ABHD2: variants seen among roughly 807,000 people sequenced by gnomAD.
ABHD2 encodes monoacylglycerol lipase ABHD2.
A neutral mutation model predicts 48.1 loss-of-function variants in ABHD2; 20 were observed. The ratio of observed to expected loss-of-function variants is 0.42; its 90% confidence interval spans 0.29 to 0.60. The LOEUF (loss-of-function observed/expected upper bound fraction) is 0.60, where lower values mean the gene tolerates loss of function less well. ABHD2 is among the 20% of genes least tolerant of loss of function. The probability of loss-of-function intolerance (pLI) is 0.24; values close to 1 mark genes in which losing one functional copy is unlikely to be tolerated. For missense variants in ABHD2, 405 were observed against 550.9 expected, an observed-to-expected ratio of 0.74 and a Z score of 2.65; for synonymous variants, 209 against 214.2, an observed-to-expected ratio of 0.98 and a Z score of 0.21.
At chr15:89,059,025 C>A in the ABHD2 span, among the ~76,000 whole-genome samples, 6 of 152,126 alleles carry the variant, frequency 3.9e-5, no homozygotes, top group African/African-American at 1.4e-4. Flanking sequence ...ATGAAAAATT[C>A]ATGAAGGAAG....
chr15:89,183,384 A>AAAAAAAAAATATATAT (rs61602174), intron 6 of ABHD2: 6 of 46,270 alleles, frequency 1.3e-4, no homozygotes, highest in Non-Finnish European at 2.5e-4. Flanking sequence ...AAAAAAAAAA[A>AAAAAAAAAATATATAT]ATATATATAT....
At chr15:89,194,685 C>T (rs1053423043) in intron 10 of ABHD2, among the ~76,000 whole-genome samples, 1 of 152,176 alleles carries the variant, frequency 6.6e-6, no homozygotes, top group Non-Finnish European at 1.5e-5. Context: ...CCATGGGCAT[C>T]ACCTGGGAAC....
At position 89,164,631 on chromosome 15, in the gene ABHD2, T is replaced by C. The variant is rs1465156251; in HGVS notation, c.538+9097T>C. Reference sequence around the variant, plus strand: ...GGTGAAACCTCATCTCTACTAAAAATGAAAAAAGCCAGGTGTGATGATACA... The same window carrying C: ...GGTGAAACCTCATCTCTACTAAAAACGAAAAAAGCCAGGTGTGATGATACA... On this transcript the variant is annotated intron_variant, in intron 5 of 10. Transcript: ENST00000352732. This position sits in a 1 kb window ranked among gnomAD's most constrained non-coding sequence, Gnocchi z 5.0. Among the ~76,000 whole-genome samples the C allele has an allele frequency of 6.6e-6, 1 of 151,408 alleles. No individual in the cohort carries two copies. Among genetic ancestry groups the C allele is most frequent in the African/African-American group, 2.4e-5 (1 of 41,204 alleles).
At chr15:89,079,460 T>A in the ABHD2 span, among the ~76,000 whole-genome samples, 1 of 17,374 alleles carries the variant, frequency 5.8e-5, no homozygotes, top group Non-Finnish European at 1.3e-4. The surrounding 1 kb of genome is among the most constrained non-coding windows in gnomAD (Gnocchi z 4.3). Flanking sequence ...AACTTCTACA[T>A]GGCAAAATAA....
Position 89,173,920 on chromosome 15 carries a change from C to T in ABHD2, c.539-1892C>T, listed in dbSNP as rs753254407. 9.2e-5 allele frequency among the ~76,000 whole-genome samples: 14 copies of T among 152,060 alleles called. No individual in the cohort carries two copies. The highest frequency in any genetic ancestry group is 3.3e-4 in the Admixed American group (5 of 15,256). On this transcript the variant is annotated intron_variant, in intron 5 of 10. Coordinates refer to ENST00000352732, the MANE Select transcript of ABHD2 (RefSeq NM_152924.5). The surrounding 1 kb of genome is among the most constrained non-coding windows in gnomAD (Gnocchi z 6.5). ...GAAGCAGCTCTTGGCCCGGTTTTTC[C>T]CTTAGTTTTAGGCATCTCTTGCTTA...
intron 1 of ABHD2, among the ~76,000 whole-genome samples, chr15:89,103,714 C>A (rs898801164): frequency 7.9e-5 from 12 of 152,160 alleles, no homozygotes; most frequent in Non-Finnish European, 1.2e-4. Context: ...CTCTGACATC[C>A]AGAATCCAGA....
At chr15:89,192,862 C>T (rs2051330045) in intron 9 of ABHD2, among the ~76,000 whole-genome samples, 1 of 152,182 alleles carries the variant, frequency 6.6e-6, no homozygotes, top group African/African-American at 2.4e-5. Flanking sequence ...GCCTAGATTC[C>T]TGTAGAATCT....
At chr15:89,060,531 A>G in the ABHD2 span, among the ~76,000 whole-genome samples, 2 of 152,142 alleles carry the variant, frequency 1.3e-5, no homozygotes, top group African/African-American at 4.8e-5. Context: ...CCCAGCACAA[A>G]CAGGAAACTC....
the ABHD2 span, among the ~76,000 whole-genome samples, chr15:89,045,582 G>A: frequency 6.6e-6 from 1 of 152,140 alleles, no homozygotes; most frequent in East Asian, 1.9e-4. Context: ...TCCTTGAGCA[G>A]TGGTTTGTAG....
chr15:89,158,667 CA>C (rs2050713120), intron 5 of ABHD2, among the ~76,000 whole-genome samples: 1 of 152,086 alleles, frequency 6.6e-6, no homozygotes, highest in African/African-American at 2.4e-5. Flanking sequence ...CAGTTGATTA[CA>C]TATAGTAAAC....
In ABHD2 at chr15:89,191,627, C is replaced by CT. The variant is rs57919032; in HGVS notation, c.996+496dup. ...TAATGATGAGCATGTCTATTTTTTT[C>CT]TTTTTTTTTTTTTTTTTTGAGATGG... On this transcript the variant is annotated intron_variant, in intron 9 of 10. Coordinates refer to ENST00000352732, the MANE Select transcript of ABHD2 (RefSeq NM_152924.5). Among the ~76,000 whole-genome samples, 175 of 121,736 alleles carry CT rather than the reference C, an allele frequency of 1.4e-3. 2 individuals are homozygous for CT. Among genetic ancestry groups the CT allele is most frequent in the South Asian group, 6.5e-3 (24 of 3,716 alleles). The allele number at this position is 121,736 out of a possible 152,430, so 79.9% of individuals were successfully genotyped here. A position where few individuals can be genotyped will look rare whatever the true frequency, so the allele number is the denominator to read the frequency against.
At chr15:89,133,812 A>G (rs1254767131) in intron 3 of ABHD2, among the ~76,000 whole-genome samples, 2 of 148,134 alleles carry the variant, frequency 1.4e-5, no homozygotes, top group East Asian at 3.9e-4. Flanking sequence ...GACTTTGCCC[A>G]TAGTGGTATT....
At chr15:89,133,949 G>A (rs2050261205) in intron 3 of ABHD2, among the ~76,000 whole-genome samples, 1 of 149,242 alleles carries the variant, frequency 6.7e-6, no homozygotes, top group South Asian at 2.1e-4. Flanking sequence ...CCATTCTCCT[G>A]CCTCAGCCTC....
At chr15:89,052,997 TCA>T in the ABHD2 span, among the ~76,000 whole-genome samples, 1 of 147,616 alleles carries the variant, frequency 6.8e-6, no homozygotes, top group African/African-American at 2.5e-5. Context: ...AGATGGAATC[TCA>T]CTCTGCTGCC....
rs1309098895 is a variant in ABHD2, at chr15:89,116,658, A to G, written c.194+137A>G. ...ACGTCACTGGTGTTAAAATAGCCAC[A>G]GTCTGATTGCAGTCTAGTGTTTGAA... On this transcript the variant is annotated intron_variant, in intron 3 of 10. Coordinates refer to ENST00000352732, the MANE Select transcript of ABHD2 (RefSeq NM_152924.5). The surrounding 1 kb of genome is among the most constrained non-coding windows in gnomAD (Gnocchi z 4.6). 1 of 900,548 alleles carries G rather than the reference A, an allele frequency of 1.1e-6. No homozygotes were observed. Among genetic ancestry groups the G allele is most frequent in the South Asian group, 1.8e-5 (1 of 56,872 alleles). 55.8% of individuals were successfully genotyped at this position (900,548 alleles called of 1,614,324 possible). A position where few individuals can be genotyped will look rare whatever the true frequency, so the allele number is the denominator to read the frequency against.
rs915545813 is a variant in ABHD2, at chr15:89,164,028, C to T, written c.538+8494C>T. On this transcript the variant is annotated intron_variant, in intron 5 of 10. Transcript: ENST00000352732. This position sits in a 1 kb window ranked among gnomAD's most constrained non-coding sequence, Gnocchi z 5.0. ...AGTTCCCAGTCAGATACATTTTAGG[C>T]TTAAGGCAAAAGAGCATCCAAGAGC... Among the ~76,000 whole-genome samples the T allele has an allele frequency of 6.6e-6, 1 of 152,190 alleles. No homozygotes were observed. Among genetic ancestry groups the T allele is most frequent in the Non-Finnish European group, 1.5e-5 (1 of 68,040 alleles).
chr15:89,123,048 C>G (rs1219491473), intron 3 of ABHD2, among the ~76,000 whole-genome samples: 1 of 152,192 alleles, frequency 6.6e-6, no homozygotes, highest in Non-Finnish European at 1.5e-5. Context: ...CTTCTGCAAC[C>G]AGCTGCCACC....
the ABHD2 span, among the ~76,000 whole-genome samples, chr15:89,055,587 G>A: frequency 3.2e-3 from 482 of 152,034 alleles, 3 homozygotes; most frequent in African/African-American, 0.011. Context: ...CGCTGGCCTC[G>A]GCCTCCCAAA....
Position 89,179,357 on chromosome 15 carries a change from A to G in ABHD2, c.722+3362A>G, listed in dbSNP as rs1443414212. Among the ~76,000 whole-genome samples the G allele has an allele frequency of 6.6e-6, 1 of 152,208 alleles. No individual in the cohort carries two copies. The highest frequency in any genetic ancestry group is 1.5e-5 in the Non-Finnish European group (1 of 68,044). ...TATTTAGTCTCATTCCCCATTGATC[A>G]CATTACTGCCTGAGTTCCGCCTCCT... On this transcript the variant is annotated intron_variant, in intron 6 of 10. Transcript: ENST00000352732. This position sits in a 1 kb window ranked among gnomAD's most constrained non-coding sequence, Gnocchi z 4.3.
Sources: gnomAD v4.1 joint callset for allele counts (sites outside exome capture counted in the v4.1 genomes callset) on GRCh38, gnomAD v4.1.1 for gene constraint, Gnocchi (gnomAD v3.1) non-coding constraint, MANE v1.5 for transcripts, NCBI Gene and HGNC (gene_info 2026-07-23, HGNC 2026-07-21) for gene names.